Variants in AHCTF1 observed in about 807,000 individuals in gnomAD.
The protein encoded by AHCTF1 is AT-hook containing transcription factor 1.
In AHCTF1, 24 loss-of-function variants were observed where a neutral mutation model predicts 248.4. The ratio of observed to expected loss-of-function variants is 0.10; its 90% CI spans 0.07 to 0.14. The LOEUF (loss-of-function observed/expected upper bound fraction) is 0.14, where lower values mean the gene tolerates loss of function less well. Ranked by LOEUF, AHCTF1 falls within the 10% of genes least tolerant of loss-of-function variation. The pLI, the probability that AHCTF1 is intolerant of heterozygous loss-of-function variation, is 1.00. For synonymous variants in AHCTF1, 786 were observed against 929.8 expected (o/e 0.85, Z 2.81); for missense variants, 2,206 against 2,636.2 (o/e 0.84, Z 3.57).
chr1:246,912,252 G>A (rs1010667604), intron 4 of AHCTF1, among the ~76,000 whole-genome samples: 3 of 151,792 alleles, frequency 2.0e-5, no homozygotes, highest in Non-Finnish European at 2.9e-5. Flanking sequence ...CAAGGCGGGC[G>A]GATCACAAGG....
rs771831723 is a variant in AHCTF1 at position 246,861,941 on chromosome 1, AATT to A, written c.3735+15_3735+17del. 4.3e-5 allele frequency: 69 copies of A among 1,592,916 alleles called. 1 individual carries two copies. In the Middle Eastern group the frequency reaches 6.2e-4, roughly 14 times the overall value. ...CTTATTAAAAAATGTCTTTTCTCCC[AATT>A]ATTATCAAACTTACCCCAGGAATCC... On this transcript the variant is annotated intron_variant, in intron 28 of 35. Coordinates refer to ENST00000648844, the MANE Select transcript of AHCTF1 (RefSeq NM_001323342.2).
chr1:246,867,901 C>CCCACACACACACA (rs1168192322), intron 24 of AHCTF1, 90 bp from the exon 25 acceptor site: 2 of 303,402 alleles, frequency 6.6e-6, no homozygotes, highest in African/African-American at 9.7e-5. Context: ...ACCCCCCCCC[C>CCCACACACACACA]CACACACACA....
rs573221699 is a variant in AHCTF1 at position 246,869,127 on chromosome 1, G to T, written c.3089-1316C>A. 1.7e-4 allele frequency among the ~76,000 whole-genome samples: 26 copies of T among 152,152 alleles called. No individual in the cohort carries two copies. The East Asian group carries it at 4.8e-3, about 28-fold the overall frequency. ...CCAAAGTGCTGGATTACAGGCGTGA[G>T]CCACCACGCCCGGCCGTGTGTTTTG... On this transcript the variant is annotated intron_variant, in intron 24 of 35. Transcript: ENST00000648844.
At chr1:246,867,602 G>A (rs950954644) in intron 25 of AHCTF1, 59 bp downstream of exon 25, 6 of 1,574,420 alleles carry the variant, frequency 3.8e-6, no homozygotes, top group Non-Finnish European at 5.2e-6. Flanking sequence ...GATGAACGCT[G>A]TTGATGTCCA....
intron 24 of AHCTF1, among the ~76,000 whole-genome samples, chr1:246,868,864 A>AGAT (rs1662260232): frequency 1.8e-5 from 2 of 109,218 alleles, no homozygotes; most frequent in Non-Finnish European, 3.6e-5. Flanking sequence ...TTTTTTTTTG[A>AGAT]GATGGAGTCT....
chr1:246,867,776 G>C lies in AHCTF1; in HGVS notation c.3124C>G (p.Gln1042Glu), dbSNP rs1662093275. The change falls in exon 25 of 36, where the codon CAA becomes GAA. Residue 1042 changes from glutamine to glutamate, a missense_variant. Gln to Glu is a conservative substitution (Grantham distance 29). Coordinates refer to ENST00000648844, the MANE Select transcript of AHCTF1 (RefSeq NM_001323342.2). ...GTCAACACAGTTCCTGTTACAACTT[G>C]CTTTGGAACTGCTGATAATGGTTTG... ...RPKPLSAVPK[Q>E]VVTGTVLTRS... 1.2e-6 allele frequency: 2 copies of C among 1,611,726 alleles called. No individual in the cohort carries two copies. Among genetic ancestry groups the C allele is most frequent in the Non-Finnish European group, 8.5e-7 (1 of 1,179,006 alleles).
chr1:246,888,535 T>C lies in AHCTF1; in HGVS notation c.2145-18A>G. The C allele has an allele frequency of 6.2e-7, 1 of 1,612,416 alleles. No homozygotes were observed. The highest frequency in any genetic ancestry group is 8.5e-7 in the Non-Finnish European group (1 of 1,179,350). On this transcript the variant is annotated intron_variant, in intron 17 of 35. Coordinates refer to ENST00000648844, the MANE Select transcript of AHCTF1 (RefSeq NM_001323342.2). ...ACTTCCCTCTGCAATCAGGGAAAAATTAAGACTTATTTAATATCACTGTTA... is the reference window on the plus strand; with the variant it reads ...ACTTCCCTCTGCAATCAGGGAAAAACTAAGACTTATTTAATATCACTGTTA...
intron 6 of AHCTF1, among the ~76,000 whole-genome samples, 154 bp from the exon 7 acceptor site, chr1:246,904,187 T>C (rs527382500): frequency 3.7e-5 from 5 of 134,298 alleles, no homozygotes; most frequent in Non-Finnish European, 7.9e-5. Context: ...TTTATAAAAA[T>C]GTAGTCCTTT....
At chr1:246,863,827 A>G in intron 27 of AHCTF1, 97 bp downstream of exon 27, 1 of 1,226,294 alleles carries the variant, frequency 8.2e-7, no homozygotes, top group Non-Finnish European at 1.2e-6. Flanking sequence ...AGCACTCCCC[A>G]AGCGTATCAG....
intron 27 of AHCTF1, among the ~76,000 whole-genome samples, chr1:246,863,381 A>C (rs1427727314): frequency 1.3e-5 from 2 of 152,028 alleles, no homozygotes; most frequent in East Asian, 3.8e-4. Flanking sequence ...TTTAAAAAAA[A>C]AAAAACAAAA....
chr1:246,858,811 A>T lies in AHCTF1; in HGVS notation c.4133-997T>A, dbSNP rs549305502. ...CGAAACTCTGTCTCAAAAAAAAAAA[A>T]AAATAAATACAAATTTCTATTTGAG... On this transcript the variant is annotated intron_variant, in intron 29 of 35. Coordinates refer to ENST00000648844, the MANE Select transcript of AHCTF1 (RefSeq NM_001323342.2). Among the ~76,000 whole-genome samples, 311 of 152,208 alleles carry T rather than the reference A, an allele frequency of 2.0e-3. 2 individuals are homozygous for T. The highest frequency in any genetic ancestry group is 5.1e-3 in the African/African-American group (210 of 41,530).
intron 1 of AHCTF1, among the ~76,000 whole-genome samples, chr1:246,922,161 A>G (rs1666588272): frequency 6.6e-6 from 1 of 152,132 alleles, no homozygotes; most frequent in African/African-American, 2.4e-5. Flanking sequence ...TGAATTCAAG[A>G]TCAGCCCAAC....
chr1:246,868,963 G>A (rs1036648007), intron 24 of AHCTF1, among the ~76,000 whole-genome samples: 2 of 150,554 alleles, frequency 1.3e-5, no homozygotes, highest in South Asian at 4.2e-4. Context: ...TCCTGCCTCA[G>A]CCTGCTGAGT....
rs74163502 is a variant in AHCTF1 at position 246,892,301 on chromosome 1, CTTTTTTT to C, written c.1805-389_1805-383del. Among the ~76,000 whole-genome samples, 467 of 64,956 alleles carry C rather than the reference CTTTTTTT, an allele frequency of 7.2e-3. 4 individuals carry two copies. The highest frequency in any genetic ancestry group is 0.027 in the African/African-American group (426 of 15,942). The allele number at this position is 64,956 out of a possible 152,430, so 42.6% of individuals were successfully genotyped here. A position where few individuals can be genotyped will look rare whatever the true frequency, so the allele number is the denominator to read the frequency against. On this transcript the variant is annotated intron_variant, in intron 14 of 35. Coordinates refer to ENST00000648844, the MANE Select transcript of AHCTF1 (RefSeq NM_001323342.2). ...TTAAATCAAATTCTAATTTGTTTTACTTTTTTTTTTTTTTTTTTTTTTTTTTTTTTGG... is the reference window on the plus strand; with the variant it reads ...TTAAATCAAATTCTAATTTGTTTTACTTTTTTTTTTTTTTTTTTTTTTTGG...
intron 20 of AHCTF1, among the ~76,000 whole-genome samples, chr1:246,886,696 T>C (rs1316017150): frequency 1.3e-5 from 2 of 152,170 alleles, no homozygotes; most frequent in African/African-American, 4.8e-5. Context: ...ATAGGGTATA[T>C]GCAAATACTA....
At chr1:246,896,418 T>C in intron 12 of AHCTF1, among the ~76,000 whole-genome samples, 1 of 152,184 alleles carries the variant, frequency 6.6e-6, no homozygotes, top group Non-Finnish European at 1.5e-5. Flanking sequence ...ATAATACAGA[T>C]GAACCTTGAA....
rs775402926 is a variant in AHCTF1 at position 246,843,849 on chromosome 1, A to C, written c.6471T>G (p.Ala2157=). Residue 2157 remains alanine (A), a synonymous_variant, in exon 34 of 36, where the codon GCT becomes GCG. Transcript: ENST00000648844. The part of the protein sequence containing the change: ...LSSQFVISPP[A]LRSRQKNTSN... ...ATGTGTTTTTTTGTCTGCTCCTTAA[A>C]GCAGGAGGTGAGATGACAAACTGAG... 1.3e-6 allele frequency: 2 copies of C among 1,515,410 alleles called. No homozygotes were observed. The highest frequency in any genetic ancestry group is 1.8e-6 in the Non-Finnish European group (2 of 1,131,996). 93.9% of individuals were successfully genotyped at this position (1,515,410 alleles called of 1,614,324 possible). A position where few individuals can be genotyped will look rare whatever the true frequency, so the allele number is the denominator to read the frequency against.
intron 17 of AHCTF1, among the ~76,000 whole-genome samples, chr1:246,889,447 CT>C (rs983751511): frequency 1.8e-4 from 28 of 152,158 alleles, no homozygotes; most frequent in African/African-American, 6.0e-4. Context: ...CATAACAAAG[CT>C]GCCAAGGATA....
chr1:246,873,848 G>T (rs1216074863), intron 24 of AHCTF1, among the ~76,000 whole-genome samples: 2 of 152,098 alleles, frequency 1.3e-5, no homozygotes, highest in Admixed American at 1.3e-4. Flanking sequence ...GTGTCACCTT[G>T]ACTAACACAT....
Sources: gnomAD v4.1 joint callset for allele counts (sites outside exome capture counted in the v4.1 genomes callset) on GRCh38, gnomAD v4.1.1 for gene constraint, MANE v1.5 for transcripts, NCBI Gene and HGNC (gene_info 2026-07-23, HGNC 2026-07-21) for gene names.